FGF5: variants seen among roughly 807,000 people sequenced by gnomAD.
FGF5 encodes heparin-binding growth factor 5.
A neutral mutation model predicts 21.8 loss-of-function variants in FGF5; 23 were observed. The observed-to-expected ratio is 1.05, with a 90% confidence interval of 0.76 to 1.49. The LOEUF (loss-of-function observed/expected upper bound fraction) is 1.49. FGF5 is among the 40% of genes most tolerant of loss of function. The pLI, the probability that FGF5 is intolerant of heterozygous loss-of-function variation, is 0.00. For synonymous variants in FGF5, 158 were observed against 124.0 expected, an observed-to-expected ratio of 1.27 and a Z score of -1.82; for missense variants, 352 against 332.9, an observed-to-expected ratio of 1.06 and a Z score of -0.45.
intron 2 of FGF5, among the ~76,000 whole-genome samples, chr4:80,282,154 G>A (rs920272879): frequency 1.3e-5 from 2 of 152,056 alleles, no homozygotes; most frequent in African/African-American, 4.8e-5. Flanking sequence ...TACAGACAGG[G>A]TTTCACCATG....
intron 1 of FGF5, among the ~76,000 whole-genome samples, chr4:80,267,694 A>G (rs1287729763): frequency 6.8e-6 from 1 of 147,516 alleles, no homozygotes; most frequent in East Asian, 1.9e-4. Context: ...GTATATGTAT[A>G]TATGTATATA....
chr4:80,274,865 T>A (rs1471263673), intron 1 of FGF5, 44 bp from the exon 2 acceptor site: 1 of 814,440 alleles, frequency 1.2e-6, no homozygotes, highest in South Asian at 1.6e-5. Flanking sequence ...CACAATGATA[T>A]AAATAAGAGC....
At chr4:80,286,239 GT>G (rs558816041) in intron 2 of FGF5, 85 bp from the exon 3 acceptor site, 70 of 877,428 alleles carry the variant, frequency 8.0e-5, no homozygotes, top group Admixed American at 7.8e-4. Context: ...CAAAATTATT[GT>G]TTTTTTTTCT....
In FGF5 at chr4:80,267,159, C is replaced by T. The variant is rs1185347068; in HGVS notation, c.335C>T (p.Ser112Phe). 1.9e-6 allele frequency: 3 copies of T among 1,609,060 alleles called. No homozygotes were observed. The African/African-American group carries it at 4.0e-5, about 22-fold the overall frequency. ...TACCCGGATGGCAAAGTCAATGGAT[C>T]CCACGAAGCCAATATGTTAAGTAAG... is the stretch of plus-strand genomic sequence containing the variant. ...QIYPDGKVNG[S>F]HEANMLSVLE... Residue 112 changes from serine to phenylalanine, a missense_variant, in exon 1 of 3, where the codon TCC becomes TTC. Transcript: ENST00000312465.
rs1201130661 is a variant in FGF5 at position 80,290,350 on chromosome 4, G to A, written c.*3678G>A. On this transcript the variant is annotated 3_prime_UTR_variant, in exon 3 of 3. Coordinates refer to ENST00000312465, the MANE Select transcript of FGF5 (RefSeq NM_004464.4). ...GGACAAGGCCTAATTTTTTTTTGTA[G>A]TCAATCCAACTGTACTGGCCAATTT... The A allele has an allele frequency of 6.6e-6, 1 of 151,832 alleles. No individual in the cohort carries two copies. Among genetic ancestry groups the A allele is most frequent in the Non-Finnish European group, 1.5e-5 (1 of 67,948 alleles). 9.4% of individuals were successfully genotyped at this position (151,832 alleles called of 1,614,324 possible).
At position 80,275,018 on chromosome 4, in the gene FGF5, T is replaced by A; in HGVS notation, c.459+6T>A. Reference sequence around the variant, plus strand: ...AAGGAAAACTCCATGCAAGTGTAAGTAGAACCACTTTATATTTGTTAAAGG... The same window carrying A: ...AAGGAAAACTCCATGCAAGTGTAAGAAGAACCACTTTATATTTGTTAAAGG... On this transcript the variant is annotated splice_donor_region_variant and intron_variant, in intron 2 of 2. Coordinates refer to ENST00000312465, the MANE Select transcript of FGF5 (RefSeq NM_004464.4). 7.9e-7 allele frequency: 1 copy of A among 1,267,380 alleles called. No individual in the cohort carries two copies. Among genetic ancestry groups the A allele is most frequent in the Non-Finnish European group, 1.1e-6 (1 of 880,824 alleles). The allele number at this position is 1,267,380 out of a possible 1,614,324, so 78.5% of individuals were successfully genotyped here. A position where few individuals can be genotyped will look rare whatever the true frequency, so the allele number is the denominator to read the frequency against.
intron 2 of FGF5, among the ~76,000 whole-genome samples, chr4:80,280,748 A>G (rs1720530087): frequency 1.3e-5 from 2 of 152,144 alleles, no homozygotes; most frequent in Non-Finnish European, 1.5e-5. Context: ...TGGAGTTATT[A>G]AGGGCCTCAG....
chr4:80,286,289 C>T (rs1383300828), intron 2 of FGF5, 36 bp from the exon 3 acceptor site: 1 of 1,434,490 alleles, frequency 7.0e-7, no homozygotes. Flanking sequence ...AAAAGATCGC[C>T]ACAACTTAAA....
intron 2 of FGF5, among the ~76,000 whole-genome samples, chr4:80,282,110 G>T (rs1296730601): frequency 6.6e-6 from 1 of 152,004 alleles, no homozygotes; most frequent in Non-Finnish European, 1.5e-5. Context: ...TTACAGGCGC[G>T]CACAACCACA....
chr4:80,267,008 TCCCC>T lies in FGF5; in HGVS notation c.186_189del (p.Pro63GlnfsTer55). 6.2e-7 allele frequency: 1 copy of T among 1,614,064 alleles called. No individual in the cohort carries two copies. Among genetic ancestry groups the T allele is most frequent in the Non-Finnish European group, 8.5e-7 (1 of 1,180,004 alleles). On this transcript the variant is annotated frameshift_variant, in exon 1 of 3. Coordinates refer to ENST00000312465, the MANE Select transcript of FGF5 (RefSeq NM_004464.4). LOFTEE classifies it high-confidence loss of function. ...TATGTCTTCCTCTTCTGCCTCCTCC[TCCCC>T]CGCAGCTTCTCTGGGCAGCCAAGGA... is the stretch of plus-strand genomic sequence containing the variant.
At chr4:80,268,564 A>C in intron 1 of FGF5, 1 of 983,100 alleles carries the variant, frequency 1.0e-6, no homozygotes, top group Non-Finnish European at 1.2e-6. Flanking sequence ...GAGGCGCGCA[A>C]GTGGGTAAGG....
intron 1 of FGF5, among the ~76,000 whole-genome samples, chr4:80,272,606 G>A (rs34656528): frequency 0.011 from 1,727 of 152,076 alleles, 16 homozygotes; most frequent in Non-Finnish European, 0.019. Flanking sequence ...ACACTTATGA[G>A]ACTTTAATCT....
Position 80,266,820 on chromosome 4 carries a change from G to A in FGF5, c.-5G>A, listed in dbSNP as rs767697400. The A allele has an allele frequency of 5.7e-6, 9 of 1,571,426 alleles. No individual in the cohort carries two copies. In the African/African-American group the frequency reaches 6.8e-5, roughly 12 times the overall value. ...GATGCACTTAGGACCCCCGCGGCTG[G>A]AAGAATGAGCTTGTCCTTCCTCCTC... On this transcript the variant is annotated 5_prime_UTR_variant, in exon 1 of 3. Coordinates refer to ENST00000312465, the MANE Select transcript of FGF5 (RefSeq NM_004464.4).
chr4:80,286,789 A>G lies in FGF5; in HGVS notation c.*117A>G. The G allele has an allele frequency of 1.4e-6, 1 of 731,828 alleles. No homozygotes were observed. The highest frequency in any genetic ancestry group is 1.9e-5 in the South Asian group (1 of 52,470). The allele number at this position is 731,828 out of a possible 1,614,324, so 45.3% of individuals were successfully genotyped here. On this transcript the variant is annotated 3_prime_UTR_variant, in exon 3 of 3. Coordinates refer to ENST00000312465, the MANE Select transcript of FGF5 (RefSeq NM_004464.4). The stretch of plus-strand genomic sequence containing the variant: ...CTTCAGCTATACTTACACTGTATTG[A>G]AGTCACGTCATTTGTTTCAATGTGA...
intron 2 of FGF5, among the ~76,000 whole-genome samples, chr4:80,276,823 G>A (rs1033331177): frequency 5.3e-5 from 8 of 149,572 alleles, no homozygotes; most frequent in Non-Finnish European, 8.9e-5. Flanking sequence ...ACATCTAAAC[G>A]GAATAACTTT....
chr4:80,267,002 T>C lies in FGF5; in HGVS notation c.178T>C (p.Ser60Pro). 6.2e-7 allele frequency: 1 copy of C among 1,614,090 alleles called. No individual in the cohort carries two copies. The highest frequency in any genetic ancestry group is 1.1e-5 in the South Asian group (1 of 91,074). ...SSSAMSSSSA[S>P]SSPAASLGSQ... The stretch of plus-strand genomic sequence containing the variant: ...TAGCGCTATGTCTTCCTCTTCTGCC[T>C]CCTCCTCCCCCGCAGCTTCTCTGGG... Residue 60 changes from serine (S) to proline (P), a missense_variant, in exon 1 of 3, where the codon TCC (serine) becomes CCC (proline). Physicochemically the swap from Ser to Pro is moderately conservative, Grantham distance 74. Coordinates refer to ENST00000312465, the MANE Select transcript of FGF5 (RefSeq NM_004464.4).
intron 2 of FGF5, among the ~76,000 whole-genome samples, chr4:80,282,570 C>A (rs1720584888): frequency 6.6e-6 from 1 of 152,114 alleles, no homozygotes; most frequent in Admixed American, 6.5e-5. Context: ...TGGCACCTAG[C>A]ACAGTGCCTG....
intron 2 of FGF5, among the ~76,000 whole-genome samples, chr4:80,279,204 G>T (rs1039581301): frequency 1.3e-5 from 2 of 152,150 alleles, no homozygotes; most frequent in Non-Finnish European, 2.9e-5. Context: ...TCCTAACTGT[G>T]TCATTTTACT....
intron 1 of FGF5, among the ~76,000 whole-genome samples, chr4:80,268,050 C>T (rs1336285719): frequency 6.6e-6 from 1 of 152,188 alleles, no homozygotes; most frequent in Non-Finnish European, 1.5e-5. Context: ...TTTTGTAGGA[C>T]TTTTTATAAA....
Sources: gnomAD v4.1 joint callset for allele counts (sites outside exome capture counted in the v4.1 genomes callset) on GRCh38, gnomAD v4.1.1 for gene constraint, MANE v1.5 for transcripts, NCBI Gene and HGNC (gene_info 2026-07-23, HGNC 2026-07-21) for gene names.